RTTN: variants seen among roughly 807,000 people sequenced by gnomAD.
RTTN encodes rotatin.
In RTTN, 182 loss-of-function variants were observed where a neutral mutation model predicts 269.2. The ratio of observed to expected loss-of-function variants is 0.68; its 90% CI spans 0.60 to 0.76. The LOEUF is 0.76. RTTN is among the 30% of genes least tolerant of loss of function. The probability of loss-of-function intolerance (pLI) is 0.00; values close to 1 mark genes in which losing one functional copy is unlikely to be tolerated. For missense variants in RTTN, 2,545 were observed against 2,608.6 expected (o/e 0.98, Z 0.53); for synonymous variants, 1,006 against 963.5 (o/e 1.04, Z -0.82).
chr18:70,163,620 G>A (rs1028427023), intron 14 of RTTN, among the ~76,000 whole-genome samples: 1 of 152,168 alleles, frequency 6.6e-6, no homozygotes, highest in Non-Finnish European at 1.5e-5. Flanking sequence ...ACAAAATGTA[G>A]TATAGGATGA....
At chr18:70,062,070 C>T (rs1317517438) in intron 35 of RTTN, among the ~76,000 whole-genome samples, 3 of 152,100 alleles carry the variant, frequency 2.0e-5, no homozygotes, top group African/African-American at 7.2e-5. Context: ...AAACTAGTAA[C>T]TAGAGTTCAA....
Position 70,020,723 on chromosome 18 carries a change from T to C in RTTN, c.6045A>G (p.Leu2015=). 1 of 1,614,118 alleles carries C rather than the reference T, an allele frequency of 6.2e-7. No homozygotes were observed. The highest frequency in any genetic ancestry group is 1.1e-5 in the South Asian group (1 of 91,076). ...AVSNSLMLCI[L]KLASQMPLEN... ...CCAGTGGCATCTGGGAAGCCAACTT[T>C]AGGATACACAGCATCAGAGAGTTGC... Residue 2015 remains leucine, a synonymous_variant, in exon 45 of 49, where the codon CTA becomes CTG. Transcript: ENST00000640769.
chr18:70,158,828 C>G (rs1394357991), intron 14 of RTTN, among the ~76,000 whole-genome samples: 1 of 152,050 alleles, frequency 6.6e-6, no homozygotes, highest in Admixed American at 6.5e-5. Context: ...TTTAAACCAA[C>G]AATGATCAAA....
chr18:70,048,895 C>A (rs1008012190), intron 39 of RTTN, among the ~76,000 whole-genome samples: 1 of 150,788 alleles, frequency 6.6e-6, no homozygotes, highest in Non-Finnish European at 1.5e-5. Flanking sequence ...AAAACCATGG[C>A]AAAAAAAATG....
intron 25 of RTTN, among the ~76,000 whole-genome samples, chr18:70,126,261 C>T (rs1043588120): frequency 6.6e-6 from 1 of 152,060 alleles, no homozygotes; most frequent in African/African-American, 2.4e-5. Flanking sequence ...AGAAAGAAAA[C>T]TTAGTGCAAT....
chr18:70,043,304 C>T (rs2057398563), intron 40 of RTTN, among the ~76,000 whole-genome samples: 2 of 152,176 alleles, frequency 1.3e-5, no homozygotes, highest in Admixed American at 1.3e-4. Flanking sequence ...GTTAAACACT[C>T]TGCAACACGG....
rs376144982 is a variant in RTTN, at chr18:70,102,144, G to A, written c.3903+7354C>T. The stretch of plus-strand genomic sequence containing the variant: ...TCCTGGATATCCTTGTTAACTTTCT[G>A]TCTCACTGATCTGTCTAATGTTGAC... On this transcript the variant is annotated intron_variant, in intron 28 of 48. Transcript: ENST00000640769. Among the ~76,000 whole-genome samples, 6 of 152,268 alleles carry A rather than the reference G, an allele frequency of 3.9e-5. No individual in the cohort carries two copies. In the East Asian group the frequency reaches 1.2e-3, roughly 29 times the overall value.
rs117604993 is a variant in RTTN at position 70,154,045 on chromosome 18, G to A, written c.1930-3312C>T. Reference sequence around the variant, plus strand: ...CCTTCTACAACTAGGATAATAAGGCGAGTTTTAACAAAAAATATTCTTTCA... The same window carrying A: ...CCTTCTACAACTAGGATAATAAGGCAAGTTTTAACAAAAAATATTCTTTCA... On this transcript the variant is annotated intron_variant, in intron 14 of 48. Transcript: ENST00000640769. Among the ~76,000 whole-genome samples, 202 of 152,028 alleles carry A rather than the reference G, an allele frequency of 1.3e-3. 2 individuals are homozygous for A. The East Asian group carries it at 0.035, about 26-fold the overall frequency.
At chr18:70,144,142 C>T (rs966909857) in intron 18 of RTTN, among the ~76,000 whole-genome samples, 4 of 152,098 alleles carry the variant, frequency 2.6e-5, no homozygotes, top group Non-Finnish European at 4.4e-5. Flanking sequence ...CCACTGTGCC[C>T]GGCCCCTCTC....
At chr18:70,159,189 T>C (rs2060762122) in intron 14 of RTTN, among the ~76,000 whole-genome samples, 1 of 152,090 alleles carries the variant, frequency 6.6e-6, no homozygotes. Flanking sequence ...CACTCAGCTG[T>C]AAAGCAATTC....
chr18:70,080,077 C>T (rs1256670088), intron 32 of RTTN, among the ~76,000 whole-genome samples: 1 of 151,734 alleles, frequency 6.6e-6, no homozygotes, highest in Non-Finnish European at 1.5e-5. Flanking sequence ...TTACCAAGTA[C>T]TCATTGTCTT....
chr18:70,115,183 ATAG>A (rs1183156761), intron 26 of RTTN, among the ~76,000 whole-genome samples: 2 of 152,068 alleles, frequency 1.3e-5, no homozygotes, highest in African/African-American at 4.8e-5. Flanking sequence ...TCAAAATATT[ATAG>A]TAGTTTTAAT....
intron 20 of RTTN, 34 bp from the exon 21 acceptor site, chr18:70,139,750 T>C: frequency 7.9e-7 from 1 of 1,264,472 alleles, no homozygotes; most frequent in South Asian, 1.2e-5. Context: ...CTTTTCATTT[T>C]CACCAATTAT....
At chr18:70,192,883 T>C (rs541252089) in intron 8 of RTTN, 34 of 156,036 alleles carry the variant, frequency 2.2e-4, no homozygotes, top group Admixed American at 6.5e-4. Flanking sequence ...AACTTGATCA[T>C]ATTCCGTTTG....
At chr18:70,060,621 T>C (rs2057955323) in intron 35 of RTTN, among the ~76,000 whole-genome samples, 1 of 152,118 alleles carries the variant, frequency 6.6e-6, no homozygotes, top group African/African-American at 2.4e-5. Context: ...ACATTCCAAC[T>C]CCATTCTTTT....
intron 21 of RTTN, among the ~76,000 whole-genome samples, chr18:70,137,632 C>A (rs532685010): frequency 2.0e-5 from 3 of 152,244 alleles, no homozygotes; most frequent in Non-Finnish European, 4.4e-5. Context: ...ACATCAATTT[C>A]TCATACACAC....
intron 43 of RTTN, among the ~76,000 whole-genome samples, chr18:70,026,514 T>C (rs1179198652): frequency 6.6e-6 from 1 of 152,138 alleles, no homozygotes; most frequent in Non-Finnish European, 1.5e-5. Context: ...CTTGTCATGA[T>C]TGGAAGTTTC....
chr18:70,169,152 T>G, intron 11 of RTTN, 85 bp from the exon 12 acceptor site: 1 of 947,652 alleles, frequency 1.1e-6, no homozygotes, highest in Non-Finnish European at 1.5e-6. Context: ...ATAGTCTTAA[T>G]CTAATCCAAC....
intron 24 of RTTN, 126 bp from the exon 25 acceptor site, chr18:70,127,867 T>A: frequency 1.2e-6 from 1 of 866,466 alleles, no homozygotes; most frequent in Non-Finnish European, 1.7e-6. Context: ...AAAGGTTGAC[T>A]TACAGCCAGA....
Sources: allele counts gnomAD v4.1 joint callset (sites outside exome capture counted in the v4.1 genomes callset), GRCh38; gene constraint gnomAD v4.1.1; transcripts MANE v1.5; gene names NCBI Gene and HGNC (gene_info 2026-07-23, HGNC 2026-07-21).